SND1: variants seen among roughly 807,000 people sequenced by gnomAD.
SND1 encodes staphylococcal nuclease domain-containing protein 1.
SND1 carries 38 observed loss-of-function variants against 121.7 expected under a neutral mutation model. That is an observed-to-expected ratio of 0.31 (90% confidence interval 0.24 to 0.41). The LOEUF is 0.41. Among genes scored for constraint, SND1 ranks in the 10% least tolerant of loss-of-function variants. The pLI, the probability that SND1 is intolerant of heterozygous loss-of-function variation, is 1.00. For synonymous variants in SND1, 401 were observed against 447.4 expected (o/e 0.90, Z 1.31); for missense variants, 868 against 1,184.6 (o/e 0.73, Z 3.92).
intron 12 of SND1, among the ~76,000 whole-genome samples, chr7:127,883,929 A>G (rs1015088591): frequency 6.6e-6 from 1 of 152,144 alleles, no homozygotes; most frequent in Admixed American, 6.6e-5. Flanking sequence ...AGTCGTGTCT[A>G]CCAGGCTTCT....
chr7:127,658,865 G>A (rs1203480148), intron 1 of SND1, among the ~76,000 whole-genome samples: 1 of 152,164 alleles, frequency 6.6e-6, no homozygotes, highest in Non-Finnish European at 1.5e-5. Context: ...AAATTGGCCA[G>A]GTTTTTGAAT....
chr7:128,028,730 A>C, intron 16 of SND1: 1 of 1,614,040 alleles, frequency 6.2e-7, no homozygotes, highest in Non-Finnish European at 8.5e-7. Context: ...GAATTATATA[A>C]GGTTCAGAGA....
chr7:127,718,700 T>A, intron 9 of SND1: 1 of 985,368 alleles, frequency 1.0e-6, no homozygotes. Context: ...GGTGCCTAAT[T>A]CCAGTAACTT....
At chr7:127,710,478 T>C (rs1009677340) in intron 9 of SND1, among the ~76,000 whole-genome samples, 3 of 152,100 alleles carry the variant, frequency 2.0e-5, no homozygotes, top group African/African-American at 7.2e-5. Context: ...GCAATGTTCT[T>C]AGTGATGTAG....
intron 14 of SND1, among the ~76,000 whole-genome samples, chr7:127,922,187 T>TTTTTTTG: frequency 1.1e-5 from 1 of 94,660 alleles, no homozygotes; most frequent in Non-Finnish European, 2.3e-5. Context: ...TTTTTTTTTT[T>TTTTTTTG]TTTTTTTTTT....
intron 16 of SND1, among the ~76,000 whole-genome samples, chr7:128,047,697 T>G (rs1792973181): frequency 6.6e-6 from 1 of 152,200 alleles, no homozygotes; most frequent in African/African-American, 2.4e-5. Flanking sequence ...AGGGTATAAC[T>G]TAGTTTGTGG....
intron 16 of SND1, among the ~76,000 whole-genome samples, chr7:127,996,247 G>A (rs1802654578): frequency 6.6e-6 from 1 of 152,142 alleles, no homozygotes; most frequent in Admixed American, 6.6e-5. Context: ...GAATATTGGT[G>A]TGTATTTATG....
chr7:128,052,000 C>T (rs1281819558), intron 16 of SND1, among the ~76,000 whole-genome samples: 1 of 152,206 alleles, frequency 6.6e-6, no homozygotes, highest in Non-Finnish European at 1.5e-5. Context: ...AGTTAGAGGG[C>T]ATTCACTTGA....
chr7:127,672,786 T>A (rs1419345670), intron 1 of SND1, among the ~76,000 whole-genome samples: 2 of 152,168 alleles, frequency 1.3e-5, no homozygotes, highest in Non-Finnish European at 2.9e-5. Context: ...ATGATCCTGA[T>A]GTTTTTTCCA....
chr7:128,019,109 T>G (rs926245380), intron 16 of SND1, among the ~76,000 whole-genome samples: 1 of 152,200 alleles, frequency 6.6e-6, no homozygotes, highest in African/African-American at 2.4e-5. Context: ...CTCAGCCAGC[T>G]AGTTCCTCCT....
At chr7:127,758,581 A>G (rs1398879210) in intron 10 of SND1, among the ~76,000 whole-genome samples, 1 of 152,186 alleles carries the variant, frequency 6.6e-6, no homozygotes, top group African/African-American at 2.4e-5. Flanking sequence ...GTATATGGCA[A>G]CTATGTTGAA....
intron 10 of SND1, among the ~76,000 whole-genome samples, chr7:127,768,644 C>T (rs1013832577): frequency 2.0e-5 from 3 of 152,186 alleles, no homozygotes; most frequent in Admixed American, 6.5e-5. Flanking sequence ...AGATGGTGCT[C>T]ATATTATCTA....
At chr7:127,781,471 T>A (rs1797720072) in intron 10 of SND1, among the ~76,000 whole-genome samples, 1 of 152,192 alleles carries the variant, frequency 6.6e-6, no homozygotes, top group African/African-American at 2.4e-5. Context: ...TGATATTGAC[T>A]TTTCTTTATA....
At chr7:128,061,538 A>G (rs1584767840) in intron 16 of SND1, among the ~76,000 whole-genome samples, 2 of 152,204 alleles carry the variant, frequency 1.3e-5, no homozygotes, top group African/African-American at 2.4e-5. Context: ...ATTGTGACCT[A>G]TACGTTTCTA....
intron 11 of SND1, among the ~76,000 whole-genome samples, chr7:127,814,768 G>C (rs1409629524): frequency 3.3e-5 from 5 of 152,158 alleles, no homozygotes; most frequent in Admixed American, 2.0e-4. Flanking sequence ...TGTTTAGGTT[G>C]CTTGAATATT....
intron 10 of SND1, among the ~76,000 whole-genome samples, chr7:127,759,102 G>GATAGA: frequency 1.8e-5 from 1 of 55,210 alleles, no homozygotes; most frequent in Non-Finnish European, 4.2e-5. Context: ...AGATAGATAG[G>GATAGA]CAGGCAGGCA....
intron 12 of SND1, among the ~76,000 whole-genome samples, chr7:127,883,507 G>T (rs1052467969): frequency 6.6e-6 from 1 of 152,104 alleles, no homozygotes; most frequent in African/African-American, 2.4e-5. Flanking sequence ...ACTGTACAAA[G>T]AGCATACCTT....
intron 15 of SND1, among the ~76,000 whole-genome samples, chr7:127,970,176 T>C (rs1200760087): frequency 1.3e-5 from 2 of 152,226 alleles, no homozygotes; most frequent in East Asian, 3.8e-4. Context: ...TCAGATTATC[T>C]GTTCACTTGG....
chr7:127,729,776 T>G (rs979711873), intron 10 of SND1, among the ~76,000 whole-genome samples: 5 of 152,230 alleles, frequency 3.3e-5, no homozygotes, highest in African/African-American at 9.6e-5. Flanking sequence ...AGCAGCATCA[T>G]TTCTGTCACT....
Sources: gnomAD v4.1 joint callset for allele counts (sites outside exome capture counted in the v4.1 genomes callset) on GRCh38, gnomAD v4.1.1 for gene constraint, MANE v1.5 for transcripts, NCBI Gene and HGNC (gene_info 2026-07-23, HGNC 2026-07-21) for gene names.